Variants in GMDS observed in about 807,000 individuals in gnomAD.
The protein encoded by GMDS is GDP-mannose 4,6-dehydratase.
Under a neutral mutation model 49.9 loss-of-function variants are expected in GMDS, and 20 were observed. That is an observed-to-expected ratio of 0.40 (90% CI 0.28 to 0.58). The LOEUF (loss-of-function observed/expected upper bound fraction) is 0.58. GMDS is among the 20% of genes least tolerant of loss of function. The pLI, the probability that GMDS is intolerant of heterozygous loss-of-function variation, is 0.42. For synonymous variants in GMDS, 177 were observed against 178.6 expected (o/e 0.99, Z 0.07); for missense variants, 362 against 481.4 (o/e 0.75, Z 2.32).
At chr6:1,852,728 G>A (rs1276981059) in intron 7 of GMDS, among the ~76,000 whole-genome samples, 5 of 144,270 alleles carry the variant, frequency 3.5e-5, no homozygotes, top group African/African-American at 1.4e-4. Context: ...TTTTTCCCGA[G>A]ATGGAGTTTC....
At chr6:2,069,153 A>G (rs559559356) in intron 4 of GMDS, among the ~76,000 whole-genome samples, 2 of 152,318 alleles carry the variant, frequency 1.3e-5, no homozygotes, top group East Asian at 3.9e-4. Context: ...CCTGAGAAAA[A>G]CAAGCAATGG....
At chr6:1,710,572 T>G (rs1019915257) in intron 9 of GMDS, among the ~76,000 whole-genome samples, 1 of 152,146 alleles carries the variant, frequency 6.6e-6, no homozygotes, top group Non-Finnish European at 1.5e-5. Flanking sequence ...TGCCCTGACA[T>G]GGCAGATACA....
rs145764951 is a variant in GMDS, at chr6:2,157,379, T to G, written c.103-32648A>C. Among the ~76,000 whole-genome samples, 617 of 152,348 alleles carry G rather than the reference T, an allele frequency of 4.0e-3. 2 individuals carry two copies. The highest frequency in any genetic ancestry group is 6.1e-3 in the Non-Finnish European group (412 of 68,038). On this transcript the variant is annotated intron_variant, in intron 1 of 10. Coordinates refer to ENST00000380815, the MANE Select transcript of GMDS (RefSeq NM_001500.4). ...TCTTTCTGACTGTGGGCAATATGAT[T>G]GCTAATTTCTGCGGTAGAATGCAAG...
At chr6:2,169,381 A>G (rs1003514509) in intron 1 of GMDS, among the ~76,000 whole-genome samples, 2 of 151,480 alleles carry the variant, frequency 1.3e-5, no homozygotes, top group African/African-American at 2.4e-5. Context: ...CCAAGGTGGG[A>G]GGAACACCTG....
intron 7 of GMDS, among the ~76,000 whole-genome samples, chr6:1,802,281 G>C (rs372756526): frequency 6.6e-6 from 1 of 152,136 alleles, no homozygotes; most frequent in African/African-American, 2.4e-5. Context: ...CTGGGATCTT[G>C]CCTATAGTCG....
At chr6:2,024,377 G>T (rs1016967474) in intron 4 of GMDS, among the ~76,000 whole-genome samples, 5 of 151,938 alleles carry the variant, frequency 3.3e-5, no homozygotes, top group Non-Finnish European at 7.4e-5. Flanking sequence ...TAAAGAAACT[G>T]GTGAACATAT....
intron 4 of GMDS, among the ~76,000 whole-genome samples, chr6:2,044,411 G>T (rs910553174): frequency 6.6e-6 from 1 of 152,132 alleles, no homozygotes; most frequent in Non-Finnish European, 1.5e-5. Flanking sequence ...ATTCTTGGTG[G>T]GGACATGGAT....
intron 7 of GMDS, among the ~76,000 whole-genome samples, chr6:1,912,079 ATCT>A (rs1761091945): frequency 6.6e-6 from 1 of 152,212 alleles, no homozygotes; most frequent in African/African-American, 2.4e-5. Flanking sequence ...AAAATAAGTG[ATCT>A]TGGCTGGGCA....
At chr6:2,206,970 T>G (rs1456303240) in intron 1 of GMDS, among the ~76,000 whole-genome samples, 1 of 152,162 alleles carries the variant, frequency 6.6e-6, no homozygotes, top group Non-Finnish European at 1.5e-5. Context: ...CCAGAAGTCT[T>G]AGTGGTGGTA....
intron 4 of GMDS, among the ~76,000 whole-genome samples, chr6:1,996,721 C>T (rs774339835): frequency 2.6e-5 from 4 of 152,118 alleles, no homozygotes; most frequent in African/African-American, 4.8e-5. Flanking sequence ...AAGCTGCACA[C>T]ATCATTTCTA....
At chr6:2,074,909 C>T (rs1358837093) in intron 4 of GMDS, among the ~76,000 whole-genome samples, 1 of 152,136 alleles carries the variant, frequency 6.6e-6, no homozygotes, top group Non-Finnish European at 1.5e-5. Context: ...GGTGTACTTT[C>T]CCTAACGTAT....
intron 4 of GMDS, among the ~76,000 whole-genome samples, chr6:1,995,689 T>A (rs756460024): frequency 5.3e-5 from 8 of 152,186 alleles, no homozygotes; most frequent in Non-Finnish European, 1.2e-4. Context: ...TGCAGGCAGA[T>A]CCAAGACATT....
chr6:1,786,758 G>A (rs1047539082), intron 7 of GMDS, among the ~76,000 whole-genome samples: 2 of 151,928 alleles, frequency 1.3e-5, no homozygotes, highest in African/African-American at 4.8e-5. Flanking sequence ...CAGTTGTATA[G>A]CGAAATTATT....
At chr6:1,636,462 C>T (rs2113167491) in intron 9 of GMDS, among the ~76,000 whole-genome samples, 1 of 152,358 alleles carries the variant, frequency 6.6e-6, no homozygotes, top group South Asian at 2.1e-4. Flanking sequence ...TTCAAAGTTA[C>T]TTTCACTTCA....
intron 7 of GMDS, among the ~76,000 whole-genome samples, chr6:1,844,456 C>T (rs943454058): frequency 1.3e-5 from 2 of 152,180 alleles, no homozygotes; most frequent in African/African-American, 4.8e-5. Flanking sequence ...ACTTAAAATT[C>T]TTGGCATACC....
chr6:1,682,994 G>C (rs1764835602), intron 9 of GMDS, among the ~76,000 whole-genome samples: 1 of 152,222 alleles, frequency 6.6e-6, no homozygotes. Flanking sequence ...CCCGTGGCTG[G>C]GTCATGGAGA....
intron 4 of GMDS, among the ~76,000 whole-genome samples, chr6:2,015,709 A>G (rs1767846187): frequency 6.6e-6 from 1 of 152,154 alleles, no homozygotes; most frequent in Non-Finnish European, 1.5e-5. Context: ...AGACAGTACC[A>G]AATCCAACTA....
chr6:2,241,567 T>A (rs1351494082), intron 1 of GMDS, among the ~76,000 whole-genome samples: 1 of 152,142 alleles, frequency 6.6e-6, no homozygotes, highest in Non-Finnish European at 1.5e-5. Flanking sequence ...CCCTCATGAA[T>A]GCTTGGTGCC....
intron 4 of GMDS, among the ~76,000 whole-genome samples, chr6:1,990,168 T>C (rs1353283630): frequency 6.6e-6 from 1 of 152,148 alleles, no homozygotes; most frequent in Non-Finnish European, 1.5e-5. Flanking sequence ...TGGTGGCACG[T>C]GCCTGTAGTC....
Sources: gnomAD v4.1 joint callset for allele counts (sites outside exome capture counted in the v4.1 genomes callset) on GRCh38, gnomAD v4.1.1 for gene constraint, MANE v1.5 for transcripts, NCBI Gene and HGNC (gene_info 2026-07-23, HGNC 2026-07-21) for gene names.